The following KNTC1 variants were observed in gnomAD, a reference collection of about 807,000 sequenced individuals.
KNTC1 encodes kinetochore associated 1.
Under a neutral mutation model 314.4 loss-of-function variants are expected in KNTC1, and 253 were observed. The ratio of observed to expected loss-of-function variants is 0.80; its 90% confidence interval spans 0.73 to 0.89. The LOEUF (loss-of-function observed/expected upper bound fraction) is 0.89. Among genes scored for constraint, KNTC1 ranks in the 40% least tolerant of loss-of-function variants. KNTC1 has a pLI of 0.00. For synonymous variants in KNTC1, 901 were observed against 901.4 expected, an observed-to-expected ratio of 1.00 and a Z score of 0.01; for missense variants, 2,475 against 2,572.9, an observed-to-expected ratio of 0.96 and a Z score of 0.82.
rs1208925945 is a variant in KNTC1, at chr12:122,579,761, C to T, written c.2842-144C>T. 15 of 619,132 alleles carry T rather than the reference C, an allele frequency of 2.4e-5. No individual in the cohort carries two copies. In the South Asian group the frequency reaches 2.6e-4, roughly 11 times the overall value. 38.4% of individuals were successfully genotyped at this position (619,132 alleles called of 1,614,324 possible). A position where few individuals can be genotyped will look rare whatever the true frequency, so the allele number is the denominator to read the frequency against. ...TTTTTCAGGTCTACCCTGTATAACGCTCATTAACCATCCATTTCTCAGCTG... is the reference window on the plus strand; with the variant it reads ...TTTTTCAGGTCTACCCTGTATAACGTTCATTAACCATCCATTTCTCAGCTG... On this transcript the variant is annotated intron_variant, in intron 31 of 63. Coordinates refer to ENST00000333479, the MANE Select transcript of KNTC1 (RefSeq NM_014708.6).
At position 122,546,661 on chromosome 12, in the gene KNTC1, T is replaced by C; in HGVS notation, c.803T>C (p.Val268Ala). 1 of 1,576,966 alleles carries C rather than the reference T, an allele frequency of 6.3e-7. No homozygotes were observed. The highest frequency in any genetic ancestry group is 1.1e-5 in the South Asian group (1 of 87,650). ...KFQLIDNLLF[V>A]LDTDNVLSLW... is the part of the protein sequence containing the mutation. ...CAGCTGATAGACAATCTACTTTTTG[T>C]TCTTGATACTGATGTATGTTTCTTG... Residue 268 changes from valine to alanine, a missense_variant, in exon 10 of 64, where the codon GTT becomes GCT. Transcript: ENST00000333479.
intron 10 of KNTC1, 46 bp downstream of exon 10, chr12:122,546,720 A>T (rs754111872): frequency 7.9e-7 from 1 of 1,263,402 alleles, no homozygotes; most frequent in South Asian, 1.3e-5. Flanking sequence ...GATATGTTTT[A>T]CAACAAAAAT....
chr12:122,549,231 A>T (rs1296146705), intron 12 of KNTC1, among the ~76,000 whole-genome samples: 2 of 152,062 alleles, frequency 1.3e-5, no homozygotes, highest in East Asian at 3.9e-4. Context: ...TTATTTTGGT[A>T]TTTTTAGTAG....
At chr12:122,606,114 C>A (rs576219716) in intron 51 of KNTC1, among the ~76,000 whole-genome samples, 3 of 151,702 alleles carry the variant, frequency 2.0e-5, no homozygotes, top group Admixed American at 6.6e-5. Context: ...CCTCCCGCCT[C>A]GATTTCCCAA....
chr12:122,616,383 C>T (rs555656670), intron 57 of KNTC1, among the ~76,000 whole-genome samples: 1 of 152,182 alleles, frequency 6.6e-6, no homozygotes, highest in South Asian at 2.1e-4. Context: ...CTGCCTCAGC[C>T]TCCTGAGTAG....
At chr12:122,534,496 T>C (rs1364406610) in intron 2 of KNTC1, among the ~76,000 whole-genome samples, 168 bp from the exon 3 acceptor site, 1 of 152,168 alleles carries the variant, frequency 6.6e-6, no homozygotes, top group East Asian at 1.9e-4. Context: ...GGATTCAAGA[T>C]ATACCATACA....
At position 122,585,002 on chromosome 12, in the gene KNTC1, T is replaced by C. The variant is rs1424313426; in HGVS notation, c.3534+12T>C. ...GAATCCTCATGAAAGTAAGTTACTT[T>C]TGAGTTTTTTCCCTTAAATCCTGGG... On this transcript the variant is annotated intron_variant, in intron 36 of 63. Transcript: ENST00000333479. 6.6e-7 allele frequency: 1 copy of C among 1,523,078 alleles called. No individual in the cohort carries two copies. Among genetic ancestry groups the C allele is most frequent in the Admixed American group, 1.7e-5 (1 of 57,874 alleles). 94.3% of individuals were successfully genotyped at this position (1,523,078 alleles called of 1,614,324 possible).
intron 60 of KNTC1, 72 bp downstream of exon 60, chr12:122,620,680 G>T (rs1233231166): frequency 2.0e-6 from 3 of 1,521,866 alleles, no homozygotes; most frequent in Non-Finnish European, 2.7e-6. Context: ...CTTGCAAAAG[G>T]TCGCATTTTC....
chr12:122,612,987 G>T, intron 53 of KNTC1, 125 bp from the exon 54 acceptor site: 1 of 658,094 alleles, frequency 1.5e-6, no homozygotes, highest in Admixed American at 2.7e-5. Flanking sequence ...AGTGCGTTCC[G>T]TAACTGTAGA....
In KNTC1 at chr12:122,576,408, C is replaced by T. The variant is rs145839125; in HGVS notation, c.2587-487C>T. On this transcript the variant is annotated intron_variant, in intron 29 of 63. Transcript: ENST00000333479. ...TTAAAGACACCAAATAGGCCAGGTGCGGTGGCTCACACCCGTAATCCCAGC... is the reference window on the plus strand; with the variant it reads ...TTAAAGACACCAAATAGGCCAGGTGTGGTGGCTCACACCCGTAATCCCAGC... 1.1e-4 allele frequency among the ~76,000 whole-genome samples: 17 copies of T among 152,054 alleles called. No homozygotes were observed. In the East Asian group the frequency reaches 2.3e-3, roughly 21 times the overall value.
intron 58 of KNTC1, 21 bp from the exon 59 acceptor site, chr12:122,618,461 G>GTTTTTTTTTTTTTTTTTTTTTTTTTTTTT: frequency 6.4e-7 from 1 of 1,558,956 alleles, no homozygotes; most frequent in Non-Finnish European, 8.8e-7. Flanking sequence ...TATCATGGTT[G>GTTTTTTTTTTTTTTTTTTTTTTTTTTTTT]TTTTTTTGTT....
intron 16 of KNTC1, among the ~76,000 whole-genome samples, chr12:122,554,230 C>T (rs1029267805): frequency 2.7e-5 from 4 of 149,484 alleles, no homozygotes; most frequent in African/African-American, 4.9e-5. Context: ...CATGCCTGGC[C>T]GAAAAATATA....
chr12:122,584,938 C>CT lies in KNTC1; in HGVS notation c.3483dup (p.Val1162CysfsTer11). ...GAACTATGTAAACATACTTTAATGG[C>CT]TGTAGAGCTTTCCAGACAATGCCAA... On this transcript the variant is annotated frameshift_variant, in exon 36 of 64. Coordinates refer to ENST00000333479, the MANE Select transcript of KNTC1 (RefSeq NM_014708.6). LOFTEE classifies it high-confidence loss of function. 1 of 1,604,120 alleles carries CT rather than the reference C, an allele frequency of 6.2e-7. No homozygotes were observed. The highest frequency in any genetic ancestry group is 8.5e-7 in the Non-Finnish European group (1 of 1,171,218).
At chr12:122,616,998 T>A (rs1873835802) in intron 57 of KNTC1, among the ~76,000 whole-genome samples, 1 of 152,242 alleles carries the variant, frequency 6.6e-6, no homozygotes, top group Non-Finnish European at 1.5e-5. Flanking sequence ...TGTGGGATTT[T>A]GTGTCCGGCT....
Position 122,530,118 on chromosome 12 carries a change from A to AG in KNTC1, c.56dup (p.Ser19ArgfsTer24). On this transcript the variant is annotated frameshift_variant, in exon 2 of 64. Coordinates refer to ENST00000333479, the MANE Select transcript of KNTC1 (RefSeq NM_014708.6). LOFTEE classifies it high-confidence loss of function. ...TGATGATACCGGAAGTGGGTACCTG[A>AG]GTGTCGGTTCAAGAAAAGAACATGG... 6.2e-7 allele frequency: 1 copy of AG among 1,613,756 alleles called. No individual in the cohort carries two copies. The highest frequency in any genetic ancestry group is 8.5e-7 in the Non-Finnish European group (1 of 1,179,698).
Position 122,575,914 on chromosome 12 carries a change from C to T in KNTC1, c.2586+15C>T, listed in dbSNP as rs761197966. The stretch of plus-strand genomic sequence containing the variant: ...AGGAAATAATGGTAAGTACACTCTT[C>T]GAAGAGTCTTTTTTCTCTTTCATTT... On this transcript the variant is annotated intron_variant, in intron 29 of 63. Transcript: ENST00000333479. The T allele has an allele frequency of 1.4e-5, 22 of 1,582,466 alleles. No homozygotes were observed. The highest frequency in any genetic ancestry group is 9.0e-5 in the East Asian group (4 of 44,622).
intron 2 of KNTC1, among the ~76,000 whole-genome samples, chr12:122,533,853 T>C (rs1304245931): frequency 1.3e-5 from 2 of 150,816 alleles, no homozygotes; most frequent in East Asian, 3.8e-4. Context: ...TTATTGAGCA[T>C]ATACTATGTG....
intron 45 of KNTC1, 93 bp downstream of exon 45, chr12:122,601,718 C>T (rs1468475239): frequency 3.4e-6 from 4 of 1,167,142 alleles, no homozygotes; most frequent in East Asian, 3.3e-5. Flanking sequence ...CCAAATTATC[C>T]ATTGAATTCC....
intron 33 of KNTC1, among the ~76,000 whole-genome samples, chr12:122,582,432 A>T (rs1047168795): frequency 9.9e-5 from 15 of 151,776 alleles, no homozygotes; most frequent in Non-Finnish European, 7.4e-5. Flanking sequence ...GAATGAATGG[A>T]TGGATGTAAA....
Sources: allele counts gnomAD v4.1 joint callset (sites outside exome capture counted in the v4.1 genomes callset), GRCh38; gene constraint gnomAD v4.1.1; transcripts MANE v1.5; gene names NCBI Gene and HGNC (gene_info 2026-07-23, HGNC 2026-07-21).